The following LINGO1 variants were observed in gnomAD, a reference collection of about 807,000 sequenced individuals.
The protein encoded by LINGO1 is leucine rich repeat and Ig domain containing 1.
In LINGO1, 11 loss-of-function variants were observed where a neutral mutation model predicts 37.3. That is an observed-to-expected ratio of 0.29 (90% CI 0.19 to 0.49). The LOEUF is 0.49. Among genes scored for constraint, LINGO1 ranks in the 20% least tolerant of loss-of-function variants. The probability of loss-of-function intolerance (pLI) is 0.99; values close to 1 mark genes in which losing one functional copy is unlikely to be tolerated. For missense variants in LINGO1, 585 were observed against 878.2 expected, an observed-to-expected ratio of 0.67 and a Z score of 4.22; for synonymous variants, 387 against 403.0, an observed-to-expected ratio of 0.96 and a Z score of 0.48.
chr15:77,643,120 C>T (rs1250680586), intron 3 of LINGO1, among the ~76,000 whole-genome samples: 1 of 152,256 alleles, frequency 6.6e-6, no homozygotes, highest in African/African-American at 2.4e-5. Flanking sequence ...ACTCCCCGTG[C>T]CCTGGACACC....
intron 1 of LINGO1, 51 bp from the exon 2 acceptor site, chr15:77,615,951 G>A: frequency 7.4e-7 from 1 of 1,344,912 alleles, no homozygotes; most frequent in East Asian, 2.5e-5. Context: ...GGGGCAGTGT[G>A]TGTCTGGATG....
intron 1 of LINGO1, among the ~76,000 whole-genome samples, chr15:77,758,324 C>T (rs2076440748): frequency 6.6e-6 from 1 of 152,160 alleles, no homozygotes; most frequent in Non-Finnish European, 1.5e-5. Context: ...TCCGGCTTCA[C>T]CCCTCACTGA....
chr15:77,783,532 A>C (rs963653016), intron 1 of LINGO1, among the ~76,000 whole-genome samples: 5 of 152,120 alleles, frequency 3.3e-5, no homozygotes, highest in African/African-American at 7.2e-5. Flanking sequence ...CCTTTTCTCT[A>C]AACAACTTCA....
intron 1 of LINGO1, among the ~76,000 whole-genome samples, chr15:77,629,512 T>A (rs2074191185): frequency 2.0e-5 from 3 of 152,108 alleles, no homozygotes. Context: ...TCTGACAACC[T>A]CAACCCCCAG....
At chr15:77,819,375 C>G (rs1003371248) in intron 1 of LINGO1, 9 of 151,516 alleles carry the variant, frequency 5.9e-5, no homozygotes, top group South Asian at 2.1e-4. Flanking sequence ...CCGCAGGGCT[C>G]GGCTCCGCGA....
chr15:77,734,470 C>T (rs1300041415), intron 2 of LINGO1, among the ~76,000 whole-genome samples: 1 of 151,488 alleles, frequency 6.6e-6, no homozygotes, highest in Non-Finnish European at 1.5e-5. Flanking sequence ...AACAGTGATC[C>T]CCAGACACAG....
chr15:77,773,931 C>G (rs1178176171), intron 1 of LINGO1, among the ~76,000 whole-genome samples: 1 of 152,130 alleles, frequency 6.6e-6, no homozygotes, highest in Non-Finnish European at 1.5e-5. Context: ...CCACAAACAA[C>G]ATCTCTCCTC....
In LINGO1 at chr15:77,615,688, C is replaced by A; in HGVS notation, c.219G>T (p.Thr73=). 6.2e-7 allele frequency: 1 copy of A among 1,604,760 alleles called. No homozygotes were observed. Among genetic ancestry groups the A allele is most frequent in the Non-Finnish European group, 8.5e-7 (1 of 1,174,980 alleles). Residue 73 remains threonine (T), a synonymous_variant, in exon 2 of 2, where the codon ACG becomes ACT. Transcript: ENST00000355300. ...VAVPEGIPTE[T]RLLDLGKNRI... ...GGTTCTTGCCTAGGTCCAGCAGGCG[C>A]GTCTCGGTGGGGATGCCCTCGGGGA...
At chr15:77,654,703 C>A (rs1226051112) in intron 3 of LINGO1, among the ~76,000 whole-genome samples, 1 of 152,140 alleles carries the variant, frequency 6.6e-6, no homozygotes, top group East Asian at 1.9e-4. Context: ...GCGCTGAGTT[C>A]TAACCCTGGC....
chr15:77,788,255 C>A (rs979325960), upstream of LINGO1: 1 of 152,244 alleles, frequency 6.6e-6, no homozygotes, highest in Non-Finnish European at 1.5e-5. Flanking sequence ...CCCCCTATAA[C>A]CCCCTCTGCG....
intron 1 of LINGO1, among the ~76,000 whole-genome samples, chr15:77,799,458 C>T (rs535206395): frequency 3.3e-3 from 499 of 152,306 alleles, no homozygotes; most frequent in Non-Finnish European, 5.2e-3. Flanking sequence ...GCCCACACCT[C>T]CAGGAGGTAA....
At chr15:77,789,994 ACTC>A (rs1166981527), upstream of LINGO1, among the ~76,000 whole-genome samples, 1 of 150,754 alleles carries the variant, frequency 6.6e-6, no homozygotes, top group Non-Finnish European at 1.5e-5. Flanking sequence ...CTGGTCTCAA[ACTC>A]CTGGGCTCAA....
chr15:77,700,290 A>G (rs535048620), upstream of LINGO1, among the ~76,000 whole-genome samples: 40 of 152,288 alleles, frequency 2.6e-4, no homozygotes, highest in Non-Finnish European at 5.6e-4. Context: ...TTGCAGAGAA[A>G]CTGAAAAAAG....
chr15:77,626,629 A>G (rs1596004555), intron 1 of LINGO1, among the ~76,000 whole-genome samples: 1 of 152,330 alleles, frequency 6.6e-6, no homozygotes, highest in African/African-American at 2.4e-5. Context: ...GCACCTCTGC[A>G]AATCTCTAAG....
At chr15:77,732,008 C>T (rs931684823) in intron 2 of LINGO1, among the ~76,000 whole-genome samples, 3 of 152,232 alleles carry the variant, frequency 2.0e-5, no homozygotes, top group African/African-American at 7.2e-5. Flanking sequence ...CAGCCACCAA[C>T]CACGGCAATG....
intron 1 of LINGO1, among the ~76,000 whole-genome samples, chr15:77,622,796 G>A (rs952346262): frequency 1.3e-5 from 2 of 152,300 alleles, no homozygotes; most frequent in East Asian, 1.9e-4. Flanking sequence ...CCAACCATCC[G>A]TTTCCCATGC....
At chr15:77,689,433 C>T (rs1035576756) in intron 2 of LINGO1, among the ~76,000 whole-genome samples, 2 of 152,192 alleles carry the variant, frequency 1.3e-5, no homozygotes, top group Non-Finnish European at 2.9e-5. Flanking sequence ...GCTACCCTGT[C>T]CCCCAGCTGC....
intron 3 of LINGO1, among the ~76,000 whole-genome samples, chr15:77,672,749 T>A (rs921734085): frequency 6.6e-6 from 1 of 152,184 alleles, no homozygotes; most frequent in African/African-American, 2.4e-5. Flanking sequence ...GGCTGACAGG[T>A]AAGGCCCCGT....
At chr15:77,806,916 T>C (rs533955612) in intron 1 of LINGO1, among the ~76,000 whole-genome samples, 1 of 152,190 alleles carries the variant, frequency 6.6e-6, no homozygotes, top group East Asian at 1.9e-4. Context: ...TGCATGAGTG[T>C]CCTGCTTGGA....
Sources: allele counts gnomAD v4.1 joint callset (sites outside exome capture counted in the v4.1 genomes callset), GRCh38; gene constraint gnomAD v4.1.1; transcripts MANE v1.5; gene names NCBI Gene and HGNC (gene_info 2026-07-23, HGNC 2026-07-21).